Variants in DMXL2 observed in about 807,000 individuals in gnomAD.
The protein encoded by DMXL2 is dmX-like protein 2.
In DMXL2, 103 loss-of-function variants were observed where a neutral mutation model predicts 331.1. The observed-to-expected ratio is 0.31, with a 90% CI of 0.27 to 0.37. The LOEUF (loss-of-function observed/expected upper bound fraction) is 0.37, where lower values mean the gene tolerates loss of function less well. DMXL2 is among the 10% of genes least tolerant of loss of function. The pLI is 1.00. For synonymous variants in DMXL2, 1,281 were observed against 1,252.1 expected (o/e 1.02, Z -0.49); for missense variants, 3,171 against 3,642.9 (o/e 0.87, Z 3.33).
At chr15:51,600,004 C>T (rs572563638) in intron 1 of DMXL2, among the ~76,000 whole-genome samples, 2 of 152,222 alleles carry the variant, frequency 1.3e-5, no homozygotes, top group East Asian at 3.9e-4. Flanking sequence ...CGGCTGCCTT[C>T]CCACTTTCTA....
chr15:51,547,384 A>G lies in DMXL2; in HGVS notation c.592T>C (p.Tyr198His). The change falls in exon 7 of 44, where the codon TAT becomes CAT. Residue 198 changes from tyrosine (Y) to histidine (H), a missense_variant. Tyr to His is a moderately conservative substitution (Grantham distance 83). Transcript: ENST00000560891. ...GAAGACTTCCAACCAGTCATAGGAT[A>G]CCACACTTTCAAAAGACAATCATCC... ...GKDDCLLKVWYPMTGWKSSII... is the reference protein window; with the variant it reads ...GKDDCLLKVWHPMTGWKSSII... 6.3e-7 allele frequency: 1 copy of G among 1,592,088 alleles called. No homozygotes were observed. Among genetic ancestry groups the G allele is most frequent in the South Asian group, 1.2e-5 (1 of 86,658 alleles).
chr15:51,463,933 C>A (rs1279036232), intron 32 of DMXL2, among the ~76,000 whole-genome samples: 2 of 151,780 alleles, frequency 1.3e-5, no homozygotes, highest in Non-Finnish European at 2.9e-5. Context: ...GGGTCCACTA[C>A]CTCAAAAAAA....
chr15:51,549,608 C>T (rs1740734853), intron 6 of DMXL2, among the ~76,000 whole-genome samples: 1 of 152,082 alleles, frequency 6.6e-6, no homozygotes, highest in South Asian at 2.1e-4. Context: ...ATACCACATC[C>T]CCACCAACAT....
At position 51,527,906 on chromosome 15, in the gene DMXL2, T is replaced by C. The variant is rs530365238; in HGVS notation, c.2436+7757A>G. ...TCAAGATACAGATGGTACAAAAAGATACAAATAGTAACAACAAAAAGTTGT... is the reference window on the plus strand; with the variant it reads ...TCAAGATACAGATGGTACAAAAAGACACAAATAGTAACAACAAAAAGTTGT... On this transcript the variant is annotated intron_variant, in intron 13 of 43. Transcript: ENST00000560891. Among the ~76,000 whole-genome samples, 41 of 151,806 alleles carry C rather than the reference T, an allele frequency of 2.7e-4. No homozygotes were observed. In the South Asian group the frequency reaches 8.3e-3, roughly 31 times the overall value.
chr15:51,569,770 A>T (rs903464422), intron 2 of DMXL2, among the ~76,000 whole-genome samples: 1 of 152,166 alleles, frequency 6.6e-6, no homozygotes, highest in African/African-American at 2.4e-5. Context: ...AACAAACATA[A>T]AGGAATACTA....
chr15:51,471,511 ATTAC>A, intron 28 of DMXL2, 110 bp from the exon 29 acceptor site: 1 of 1,039,880 alleles, frequency 9.6e-7, no homozygotes, highest in Non-Finnish European at 1.4e-6. Context: ...TCTAAACTAA[ATTAC>A]TTATTCCTGT....
chr15:51,474,766 C>A (rs548057348), intron 27 of DMXL2, among the ~76,000 whole-genome samples, 174 bp from the exon 28 acceptor site: 1 of 152,224 alleles, frequency 6.6e-6, no homozygotes. Flanking sequence ...AGAATAAAAT[C>A]ATCCATTTGT....
At chr15:51,597,543 A>G (rs1201549232) in intron 1 of DMXL2, among the ~76,000 whole-genome samples, 2 of 152,178 alleles carry the variant, frequency 1.3e-5, no homozygotes, top group Non-Finnish European at 2.9e-5. Context: ...ATGTACCACA[A>G]TTTATCCACT....
At chr15:51,603,709 C>CA (rs979367018) in intron 1 of DMXL2, 50 of 150,448 alleles carry the variant, frequency 3.3e-4, no homozygotes, top group African/African-American at 8.0e-4. Flanking sequence ...TACTAAAAAA[C>CA]AAAAAAAAAT....
chr15:51,540,418 T>A (rs1482303656), intron 9 of DMXL2, among the ~76,000 whole-genome samples: 2 of 152,158 alleles, frequency 1.3e-5, no homozygotes, highest in East Asian at 3.8e-4. Context: ...TGGAAAATAT[T>A]TAGGATAATT....
At chr15:51,572,269 G>C in intron 2 of DMXL2, among the ~76,000 whole-genome samples, 1 of 126,458 alleles carries the variant, frequency 7.9e-6, no homozygotes, top group Non-Finnish European at 1.8e-5. Context: ...CCAATAAGAG[G>C]TTCTGAAATT....
chr15:51,513,474 C>T (rs1288769787), intron 15 of DMXL2, among the ~76,000 whole-genome samples: 3 of 151,984 alleles, frequency 2.0e-5, no homozygotes, highest in Non-Finnish European at 4.4e-5. Flanking sequence ...GAAAGATATA[C>T]GAAAGAAAAA....
intron 1 of DMXL2, among the ~76,000 whole-genome samples, chr15:51,616,238 A>T (rs2141437926): frequency 6.6e-6 from 1 of 152,306 alleles, no homozygotes; most frequent in South Asian, 2.1e-4. Context: ...TCTGAAAGAG[A>T]TAAATGATAA....
At chr15:51,520,261 T>C (rs1204392527) in intron 13 of DMXL2, among the ~76,000 whole-genome samples, 1 of 152,190 alleles carries the variant, frequency 6.6e-6, no homozygotes, top group African/African-American at 2.4e-5. Context: ...CCACCAGAAA[T>C]TCTTTCCTAA....
At chr15:51,453,446 T>A in intron 41 of DMXL2, 104 bp downstream of exon 41, 1 of 778,576 alleles carries the variant, frequency 1.3e-6, no homozygotes, top group Non-Finnish European at 1.9e-6. Context: ...TTTTTTTTTT[T>A]AATGCCTAGA....
rs1312655973 is a variant in DMXL2, at chr15:51,448,111, T to C, written c.*873A>G. Reference sequence around the variant, plus strand: ...GCAATAAATAATGTCACCAATCTCATCAACTATTAACTGGCCACAAGAAGC... The same window carrying C: ...GCAATAAATAATGTCACCAATCTCACCAACTATTAACTGGCCACAAGAAGC... On this transcript the variant is annotated 3_prime_UTR_variant, in exon 44 of 44. Transcript: ENST00000560891. The C allele has an allele frequency of 1.3e-5, 2 of 152,792 alleles. No homozygotes were observed. Among genetic ancestry groups the C allele is most frequent in the South Asian group, 2.1e-4 (1 of 4,830 alleles). 9.5% of individuals were successfully genotyped at this position (152,792 alleles called of 1,614,324 possible).
At chr15:51,460,732 G>A (rs2040037864) in intron 33 of DMXL2, 1 of 152,022 alleles carries the variant, frequency 6.6e-6, no homozygotes, top group African/African-American at 2.4e-5. Context: ...TACTGGATTG[G>A]GTAGAGTTTT....
intron 1 of DMXL2, chr15:51,603,659 G>A (rs1248689321): frequency 1.3e-5 from 2 of 152,118 alleles, no homozygotes; most frequent in African/African-American, 4.8e-5. Flanking sequence ...GAGGTCAGGA[G>A]ATCGACACCA....
chr15:51,572,737 C>A (rs190033820), intron 2 of DMXL2, among the ~76,000 whole-genome samples: 3 of 152,102 alleles, frequency 2.0e-5, no homozygotes, highest in Non-Finnish European at 2.9e-5. Flanking sequence ...ATTCAACAGC[C>A]CTTCATGCTA....
Sources: gnomAD v4.1 joint callset for allele counts (sites outside exome capture counted in the v4.1 genomes callset) on GRCh38, gnomAD v4.1.1 for gene constraint, MANE v1.5 for transcripts, NCBI Gene and HGNC (gene_info 2026-07-23, HGNC 2026-07-21) for gene names.